Variants in DTNBP1 observed in about 807,000 individuals in gnomAD.
The protein encoded by DTNBP1 is dysbindin.
Under a neutral mutation model 42.8 loss-of-function variants are expected in DTNBP1, and 35 were observed. The observed-to-expected ratio is 0.82, with a 90% CI of 0.63 to 1.09. DTNBP1 has a LOEUF of 1.09. DTNBP1 is among the 50% of genes least tolerant of loss of function. The pLI, the probability that DTNBP1 is intolerant of heterozygous loss-of-function variation, is 0.00. For synonymous variants in DTNBP1, 171 were observed against 162.2 expected (o/e 1.05, Z -0.41); for missense variants, 457 against 424.2 (o/e 1.08, Z -0.68).
chr6:15,640,165 C>A (rs958917901), intron 3 of DTNBP1, among the ~76,000 whole-genome samples: 5 of 152,194 alleles, frequency 3.3e-5, no homozygotes, highest in African/African-American at 2.4e-5. Context: ...TGTATGCTAT[C>A]CAACCTCGCA....
intron 7 of DTNBP1, among the ~76,000 whole-genome samples, chr6:15,589,260 C>T (rs1330530584): frequency 1.3e-5 from 2 of 152,182 alleles, no homozygotes; most frequent in African/African-American, 2.4e-5. Flanking sequence ...TGACTTGGTG[C>T]CTTCTATTTT....
chr6:15,641,638 T>A (rs1472027830), intron 3 of DTNBP1, among the ~76,000 whole-genome samples: 1 of 152,122 alleles, frequency 6.6e-6, no homozygotes, highest in Admixed American at 6.6e-5. Context: ...TCCTCTCAGG[T>A]GCCAGATACC....
At position 15,532,956 on chromosome 6, in the gene DTNBP1, G is replaced by C. The variant is rs1772965488; in HGVS notation, c.667+284C>G. Among the ~76,000 whole-genome samples, 14 of 151,986 alleles carry C rather than the reference G, an allele frequency of 9.2e-5. No individual in the cohort carries two copies. The South Asian group carries it at 2.9e-3, about 32-fold the overall frequency. On this transcript the variant is annotated intron_variant, in intron 8 of 9. Transcript: ENST00000344537. ...TCGGGTGATCTGCCTGCCTTGGCCTGCCAAAGTGCTGGGATTACAGGCGTG... is the reference window on the plus strand; with the variant it reads ...TCGGGTGATCTGCCTGCCTTGGCCTCCCAAAGTGCTGGGATTACAGGCGTG...
chr6:15,586,024 C>T lies in DTNBP1; in HGVS notation c.511+7035G>A, dbSNP rs1040369945. On this transcript the variant is annotated intron_variant, in intron 7 of 9. Transcript: ENST00000344537. ...GGGCTCTAGTGTGCAAAGATGTATG[C>T]ACCGGTCTGGGACCATACCAAATGC... 1.1e-5 allele frequency: 13 copies of T among 1,224,376 alleles called. No homozygotes were observed. The Admixed American group carries it at 1.6e-4, about 15-fold the overall frequency. The allele number at this position is 1,224,376 out of a possible 1,614,324, so 75.8% of individuals were successfully genotyped here. A position where few individuals can be genotyped will look rare whatever the true frequency, so the allele number is the denominator to read the frequency against.
intron 6 of DTNBP1, among the ~76,000 whole-genome samples, chr6:15,602,154 C>T (rs1362985974): frequency 6.6e-6 from 1 of 152,112 alleles, no homozygotes; most frequent in Non-Finnish European, 1.5e-5. Flanking sequence ...AATTATAGTG[C>T]CATTTTTTTT....
chr6:15,649,273 A>G (rs996331204), intron 3 of DTNBP1, among the ~76,000 whole-genome samples: 3 of 152,216 alleles, frequency 2.0e-5, no homozygotes, highest in African/African-American at 7.2e-5. Flanking sequence ...TCAAGTGTCC[A>G]TCAACAGATG....
chr6:15,604,111 AC>A (rs759753188), intron 6 of DTNBP1, among the ~76,000 whole-genome samples: 2 of 152,160 alleles, frequency 1.3e-5, no homozygotes, highest in Non-Finnish European at 2.9e-5. Flanking sequence ...CACAGGGCTC[AC>A]CTCACTTGTT....
At chr6:15,525,186 T>C (rs767089298) in intron 8 of DTNBP1, among the ~76,000 whole-genome samples, 1 of 152,092 alleles carries the variant, frequency 6.6e-6, no homozygotes, top group East Asian at 1.9e-4. Flanking sequence ...CTCCCTGCAG[T>C]GGAAGCACAG....
In DTNBP1 at chr6:15,606,857, T is replaced by A. The variant is rs188475726; in HGVS notation, c.488+8410A>T. On this transcript the variant is annotated intron_variant, in intron 6 of 9. Transcript: ENST00000344537. The stretch of plus-strand genomic sequence containing the variant: ...GTTTATTTTTAAGCGACTCATCTCT[T>A]ATGAACCAGAAAATTAAAAGTTTTT... Among the ~76,000 whole-genome samples, 449 of 152,316 alleles carry A rather than the reference T, an allele frequency of 2.9e-3. 2 individuals carry two copies. Among genetic ancestry groups the A allele is most frequent in the Middle Eastern group, 6.8e-3 (2 of 294 alleles).
intron 4 of DTNBP1, among the ~76,000 whole-genome samples, chr6:15,635,523 T>A (rs963902107): frequency 6.6e-6 from 1 of 152,190 alleles, no homozygotes; most frequent in South Asian, 2.1e-4. Context: ...TATGGAAAAT[T>A]CTCAGACATG....
At position 15,567,082 on chromosome 6, in the gene DTNBP1, G is replaced by A. The variant is rs1486304402; in HGVS notation, c.511+25977C>T. On this transcript the variant is annotated intron_variant, in intron 7 of 9. Coordinates refer to ENST00000344537, the MANE Select transcript of DTNBP1 (RefSeq NM_032122.5). ...AACTGAGAGTATAGCACCTTTTAAA[G>A]GTCTAAATGGAAACATTTGCCATCT... is the stretch of plus-strand genomic sequence containing the variant. 1.5e-4 allele frequency among the ~76,000 whole-genome samples: 23 copies of A among 152,230 alleles called. No homozygotes were observed. The East Asian group carries it at 4.4e-3, about 29-fold the overall frequency.
chr6:15,612,557 T>G (rs1210442876), intron 6 of DTNBP1, among the ~76,000 whole-genome samples: 1 of 152,234 alleles, frequency 6.6e-6, no homozygotes, highest in African/African-American at 2.4e-5. Flanking sequence ...GAATACCCAT[T>G]TCTTTATAGC....
At chr6:15,527,111 A>G (rs1403548858) in intron 8 of DTNBP1, among the ~76,000 whole-genome samples, 2 of 152,266 alleles carry the variant, frequency 1.3e-5, no homozygotes, top group African/African-American at 4.8e-5. Context: ...ATCAAAATAG[A>G]TTTTAATGGG....
At chr6:15,577,741 T>C (rs979919010) in intron 7 of DTNBP1, among the ~76,000 whole-genome samples, 1 of 152,026 alleles carries the variant, frequency 6.6e-6, no homozygotes, top group Non-Finnish European at 1.5e-5. Flanking sequence ...GAGGCCAGGA[T>C]TGGAGCCAAT....
intron 7 of DTNBP1, among the ~76,000 whole-genome samples, chr6:15,581,737 C>G (rs187056738): frequency 1.3e-5 from 2 of 150,954 alleles, no homozygotes; most frequent in East Asian, 3.9e-4. Context: ...CTTGGCCCCC[C>G]AAAAGTGTTG....
intron 3 of DTNBP1, among the ~76,000 whole-genome samples, chr6:15,648,940 A>G (rs1037888410): frequency 6.6e-6 from 1 of 151,996 alleles, no homozygotes; most frequent in Non-Finnish European, 1.5e-5. Context: ...GACAAGAAAA[A>G]CTCTTAGAAG....
intron 3 of DTNBP1, among the ~76,000 whole-genome samples, chr6:15,646,994 A>G (rs945766005): frequency 6.6e-6 from 1 of 151,840 alleles, no homozygotes; most frequent in East Asian, 1.9e-4. Context: ...AACAATTGTG[A>G]CAAAAAATGA....
chr6:15,563,448 AC>A (rs1328480473), intron 7 of DTNBP1, among the ~76,000 whole-genome samples: 1 of 152,254 alleles, frequency 6.6e-6, no homozygotes, highest in Non-Finnish European at 1.5e-5. Context: ...TTATAATTAA[AC>A]ATTAATTAGG....
At chr6:15,559,709 C>T (rs1027352426) in intron 7 of DTNBP1, among the ~76,000 whole-genome samples, 9 of 152,152 alleles carry the variant, frequency 5.9e-5, no homozygotes, top group Non-Finnish European at 8.8e-5. Context: ...TCAGTAGAAA[C>T]GGCCCAATTC....
Sources: allele counts gnomAD v4.1 joint callset (sites outside exome capture counted in the v4.1 genomes callset), GRCh38; gene constraint gnomAD v4.1.1; transcripts MANE v1.5; gene names NCBI Gene and HGNC (gene_info 2026-07-23, HGNC 2026-07-21).